CCSER1: variants seen among roughly 807,000 people sequenced by gnomAD.
CCSER1 encodes the protein coiled-coil serine rich protein 1, also known as serine-rich coiled-coil domain-containing protein 1.
A neutral mutation model predicts 82.0 loss-of-function variants in CCSER1; 41 were observed. That is an observed-to-expected ratio of 0.50 (90% confidence interval 0.39 to 0.65). CCSER1 has a LOEUF of 0.65. CCSER1 is among the 30% of genes least tolerant of loss of function. CCSER1 has a pLI of 0.00. For synonymous variants in CCSER1, 414 were observed against 383.9 expected (o/e 1.08, Z -0.92); for missense variants, 1,119 against 1,064.2 (o/e 1.05, Z -0.72).
intron 1 of CCSER1, among the ~76,000 whole-genome samples, chr4:90,171,546 T>A (rs1363626528): frequency 6.6e-6 from 1 of 151,920 alleles, no homozygotes; most frequent in Non-Finnish European, 1.5e-5. Flanking sequence ...AATAAAGATG[T>A]TTTAAGTTAA....
chr4:91,092,797 G>A (rs1724099377), intron 10 of CCSER1, among the ~76,000 whole-genome samples: 1 of 152,082 alleles, frequency 6.6e-6, no homozygotes, highest in African/African-American at 2.4e-5. Flanking sequence ...GGTGTTTGAG[G>A]GAGTAGGGGG....
intron 10 of CCSER1, among the ~76,000 whole-genome samples, chr4:91,462,301 C>T (rs1560690210): frequency 6.6e-6 from 1 of 152,114 alleles, no homozygotes; most frequent in Non-Finnish European, 1.5e-5. Flanking sequence ...TTGTACGTAT[C>T]AGATATTGAA....
At chr4:91,179,963 G>C (rs1044185426) in intron 10 of CCSER1, among the ~76,000 whole-genome samples, 24 of 152,212 alleles carry the variant, frequency 1.6e-4, no homozygotes, top group African/African-American at 5.8e-4. Context: ...GGTGTTTGAT[G>C]ATGGTGATGT....
intron 1 of CCSER1, among the ~76,000 whole-genome samples, chr4:90,219,081 G>A (rs1017338999): frequency 6.6e-6 from 1 of 152,118 alleles, no homozygotes; most frequent in Admixed American, 6.6e-5. Flanking sequence ...TCTGGCTTCA[G>A]GGCAAAGAAC....
At chr4:90,941,075 C>T (rs980563254) in intron 9 of CCSER1, among the ~76,000 whole-genome samples, 3 of 152,012 alleles carry the variant, frequency 2.0e-5, no homozygotes, top group African/African-American at 7.2e-5. Context: ...TAAACACTTA[C>T]TATGTGAATG....
chr4:90,660,379 G>C (rs575885487), intron 6 of CCSER1, among the ~76,000 whole-genome samples: 10 of 152,108 alleles, frequency 6.6e-5, no homozygotes, highest in African/African-American at 2.4e-4. Flanking sequence ...GTATTTTGCA[G>C]CAACATGGAT....
chr4:90,883,197 C>G (rs1209823486), intron 8 of CCSER1, among the ~76,000 whole-genome samples: 1 of 151,994 alleles, frequency 6.6e-6, no homozygotes, highest in African/African-American at 2.4e-5. Flanking sequence ...TTTGAATAAA[C>G]CTGTCACTAT....
Position 90,254,978 on chromosome 4 carries a change from AACACACAC to A in CCSER1, c.-41-53241_-41-53234del, listed in dbSNP as rs142987718. ...TGATATACATATCAACATATATATC[AACACACAC>A]ACACACACACACACACACACACACG... On this transcript the variant is annotated intron_variant, in intron 1 of 10. Coordinates refer to ENST00000509176, the MANE Select transcript of CCSER1 (RefSeq NM_001145065.2). Among the ~76,000 whole-genome samples, 155 of 143,014 alleles carry A rather than the reference AACACACAC, an allele frequency of 1.1e-3. 1 individual carries two copies. Among genetic ancestry groups the A allele is most frequent in the Middle Eastern group, 7.1e-3 (2 of 282 alleles). 93.8% of individuals were successfully genotyped at this position (143,014 alleles called of 152,430 possible).
intron 7 of CCSER1, among the ~76,000 whole-genome samples, chr4:90,778,416 C>G (rs1753241401): frequency 6.6e-6 from 1 of 151,980 alleles, no homozygotes; most frequent in African/African-American, 2.4e-5. Flanking sequence ...ATAGATGTAT[C>G]TCTTCTTGGA....
At chr4:90,882,235 T>A (rs1201758716) in intron 8 of CCSER1, among the ~76,000 whole-genome samples, 1 of 152,006 alleles carries the variant, frequency 6.6e-6, no homozygotes, top group African/African-American at 2.4e-5. Context: ...CTAGTCATAA[T>A]AAGGAGCTAA....
intron 10 of CCSER1, among the ~76,000 whole-genome samples, chr4:91,561,755 G>A (rs958937507): frequency 6.6e-6 from 1 of 151,434 alleles, no homozygotes; most frequent in East Asian, 1.9e-4. Context: ...TCTTGCATAG[G>A]ATGAAAGCTG....
chr4:91,308,215 C>T (rs1745213190), intron 10 of CCSER1, among the ~76,000 whole-genome samples: 1 of 151,932 alleles, frequency 6.6e-6, no homozygotes, highest in South Asian at 2.1e-4. Flanking sequence ...GTTTACTGAA[C>T]TGTGGCCTCT....
chr4:90,288,623 A>G (rs1730347807), intron 1 of CCSER1, among the ~76,000 whole-genome samples: 1 of 151,942 alleles, frequency 6.6e-6, no homozygotes, highest in African/African-American at 2.4e-5. Flanking sequence ...TTGTGCTAGA[A>G]GAGTGGTATT....
intron 10 of CCSER1, among the ~76,000 whole-genome samples, chr4:91,163,840 G>A (rs954410694): frequency 6.6e-6 from 1 of 152,056 alleles, no homozygotes; most frequent in Non-Finnish European, 1.5e-5. Context: ...CAAGTGAGAT[G>A]GGTTTCCTGA....
At chr4:90,748,545 T>C (rs1489606035) in intron 7 of CCSER1, among the ~76,000 whole-genome samples, 2 of 149,630 alleles carry the variant, frequency 1.3e-5, no homozygotes, top group Non-Finnish European at 3.0e-5. Context: ...CCTTTGGGTA[T>C]ATACCCAGTA....
At chr4:91,497,413 C>G (rs1355877889) in intron 10 of CCSER1, among the ~76,000 whole-genome samples, 1 of 151,620 alleles carries the variant, frequency 6.6e-6, no homozygotes, top group African/African-American at 2.4e-5. Flanking sequence ...AAATCAATAT[C>G]TAGCATTGGC....
chr4:90,996,350 T>C (rs1365124464), intron 9 of CCSER1, among the ~76,000 whole-genome samples: 2 of 152,158 alleles, frequency 1.3e-5, no homozygotes, highest in Admixed American at 6.5e-5. Flanking sequence ...TTTGCTGGGC[T>C]ATACATTTTA....
At chr4:91,327,876 T>A (rs1578200876) in intron 10 of CCSER1, among the ~76,000 whole-genome samples, 2 of 152,298 alleles carry the variant, frequency 1.3e-5, no homozygotes, top group South Asian at 4.1e-4. Context: ...TCCACAGATC[T>A]CTAGAGTGAG....
intron 9 of CCSER1, among the ~76,000 whole-genome samples, chr4:91,056,053 T>G (rs1272564763): frequency 6.6e-6 from 1 of 152,166 alleles, no homozygotes; most frequent in African/African-American, 2.4e-5. Flanking sequence ...TTTAAGTTTT[T>G]ATCTCCTTAT....
Sources: allele counts gnomAD v4.1 joint callset (sites outside exome capture counted in the v4.1 genomes callset), GRCh38; gene constraint gnomAD v4.1.1; transcripts MANE v1.5; gene names NCBI Gene and HGNC (gene_info 2026-07-23, HGNC 2026-07-21).